GCDH: variants seen among roughly 807,000 people sequenced by gnomAD.
GCDH encodes glutaryl-CoA dehydrogenase, mitochondrial.
A neutral mutation model predicts 52.8 loss-of-function variants in GCDH; 31 were observed. The observed-to-expected ratio is 0.59, with a 90% confidence interval of 0.44 to 0.79. The LOEUF is 0.79. Among genes scored for constraint, GCDH ranks in the 30% least tolerant of loss-of-function variants. The pLI, the probability that GCDH is intolerant of heterozygous loss-of-function variation, is 0.00. For missense variants in GCDH, 509 were observed against 595.0 expected, an observed-to-expected ratio of 0.86 and a Z score of 1.50; for synonymous variants, 242 against 250.0, an observed-to-expected ratio of 0.97 and a Z score of 0.30.
chr19:12,899,787 T>C lies in GCDH; in HGVS notation c.*246T>C. On this transcript the variant is annotated 3_prime_UTR_variant, in exon 12 of 12. Transcript: ENST00000222214. Reference sequence around the variant, plus strand: ...TAACCATGGATGAGAGCAGACTCCATTTACCCTGAAATAGCAGCTTCTCTT... The same window carrying C: ...TAACCATGGATGAGAGCAGACTCCACTTACCCTGAAATAGCAGCTTCTCTT... The C allele has an allele frequency of 6.3e-7, 1 of 1,596,872 alleles. No homozygotes were observed.
chr19:12,893,930 G>A (rs1970615541), intron 6 of GCDH: 1 of 591,662 alleles, frequency 1.7e-6, no homozygotes, highest in Non-Finnish European at 3.0e-6. Flanking sequence ...GCCATTTGCA[G>A]TGGCTCACAC....
intron 6 of GCDH, chr19:12,894,924 A>C (rs1324382731): frequency 2.3e-5 from 10 of 430,920 alleles, no homozygotes; most frequent in Admixed American, 1.3e-4. Flanking sequence ...AAAAAAAAAA[A>C]AAAACCCACA....
chr19:12,894,281 T>C (rs999901726), intron 6 of GCDH: 4 of 871,826 alleles, frequency 4.6e-6, no homozygotes, highest in African/African-American at 1.7e-5. Flanking sequence ...GGTTACGTGG[T>C]CGGAATCAGT....
At chr19:12,899,399 A>T in intron 11 of GCDH, 69 bp from the exon 12 acceptor site, 1 of 1,614,092 alleles carries the variant, frequency 6.2e-7, no homozygotes, top group South Asian at 1.1e-5. Flanking sequence ...GGGATACATG[A>T]AAATTGATTT....
Position 12,899,560 on chromosome 19 carries a change from C to G in GCDH, c.*19C>G. On this transcript the variant is annotated 3_prime_UTR_variant, in exon 12 of 12. Transcript: ENST00000222214. ...CAAGTGAGCCGCTCCATCAGGGGCC[C>G]GAAACTCTCAAGCCCCTTTCTGGAG... 6.2e-7 allele frequency: 1 copy of G among 1,613,924 alleles called. No homozygotes were observed. The highest frequency in any genetic ancestry group is 2.2e-5 in the East Asian group (1 of 44,874).
chr19:12,891,370 G>T lies in GCDH; in HGVS notation c.66G>T (p.Thr22=). The change falls in exon 2 of 12, where the codon ACG becomes ACT. Residue 22 remains threonine (T), a synonymous_variant. Transcript: ENST00000222214. ...GACCCGGCCTGCACGTCCTTCGCAC[G>T]TGGGTCTCGTCGGCGGCGCAGACCG... ...SRGPGLHVLR[T]WVSSAAQTEK... is the part of the protein sequence containing the mutation. The T allele has an allele frequency of 6.2e-7, 1 of 1,613,960 alleles. No individual in the cohort carries two copies. Among genetic ancestry groups the T allele is most frequent in the Non-Finnish European group, 8.5e-7 (1 of 1,180,014 alleles).
Position 12,896,877 on chromosome 19 carries a change from G to C in GCDH, c.853-33G>C. On this transcript the variant is annotated intron_variant, in intron 8 of 11. Transcript: ENST00000222214. The surrounding 1 kb of genome is among the most constrained non-coding windows in gnomAD (Gnocchi z 5.5). ...TGCATAGGCCCTCTTGGTGTCTCTT[G>C]GGTGGGCCTGAGGCGCCATCTCAAC... The C allele has an allele frequency of 6.7e-7, 1 of 1,491,144 alleles. No homozygotes were observed. Among genetic ancestry groups the C allele is most frequent in the Non-Finnish European group, 9.4e-7 (1 of 1,069,374 alleles). 92.4% of individuals were successfully genotyped at this position (1,491,144 alleles called of 1,614,324 possible). A position where few individuals can be genotyped will look rare whatever the true frequency, so the allele number is the denominator to read the frequency against.
chr19:12,896,918 C>G lies in GCDH; in HGVS notation c.861C>G (p.Phe287Leu), dbSNP rs200757991. 6.2e-7 allele frequency: 1 copy of G among 1,612,852 alleles called. No individual in the cohort carries two copies. Residue 287 changes from phenylalanine to leucine, a missense_variant, in exon 9 of 12, where the codon TTC (phenylalanine) becomes TTG (leucine). Phe to Leu is a conservative substitution (Grantham distance 22). Coordinates refer to ENST00000222214, the MANE Select transcript of GCDH (RefSeq NM_000159.4). This position sits in a 1 kb window ranked among gnomAD's most constrained non-coding sequence, Gnocchi z 5.5. ...CCATCTCAACCCTACAGGGTCCCTTCGGCTGCCTGAACAACGCCCGGTACG... is the reference window on the plus strand; with the variant it reads ...CCATCTCAACCCTACAGGGTCCCTTGGGCTGCCTGAACAACGCCCGGTACG... ...LPGASSLGGPFGCLNNARYGI... is the reference protein window; with the variant it reads ...LPGASSLGGPLGCLNNARYGI...
Position 12,899,913 on chromosome 19 carries a change from T to C in GCDH, c.*372T>C. On this transcript the variant is annotated 3_prime_UTR_variant, in exon 12 of 12. Transcript: ENST00000222214. ...CTCCCTCCCATCTGGGGGTAGTGCC[T>C]TATGCTGGGTGTTGGAGCAGAGTGA... The C allele has an allele frequency of 1.3e-6, 2 of 1,544,624 alleles. No individual in the cohort carries two copies. Among genetic ancestry groups the C allele is most frequent in the South Asian group, 1.1e-5 (1 of 89,354 alleles).
Position 12,891,330 on chromosome 19 carries a change from G to A in GCDH, c.26G>A (p.Arg9Gln). The change falls in exon 2 of 12, where the codon CGG becomes CAG. Residue 9 changes from arginine (R) to glutamine (Q), a missense_variant. Arg to Gln is a conservative substitution (Grantham distance 43). Coordinates refer to ENST00000222214, the MANE Select transcript of GCDH (RefSeq NM_000159.4). MALRGVSV[R>Q]LLSRGPGLHV... The stretch of plus-strand genomic sequence containing the variant: ...ATGGCCCTGAGAGGCGTCTCCGTGC[G>A]GCTGCTGAGCCGCGGACCCGGCCTG... 1.2e-6 allele frequency: 2 copies of A among 1,611,156 alleles called. No homozygotes were observed. Among genetic ancestry groups the A allele is most frequent in the South Asian group, 2.2e-5 (2 of 91,058 alleles).
intron 5 of GCDH, 76 bp from the exon 6 acceptor site, chr19:12,893,407 C>A: frequency 7.7e-7 from 1 of 1,306,612 alleles, no homozygotes; most frequent in Non-Finnish European, 1.1e-6. Flanking sequence ...TGTCCTTATT[C>A]AGCCCTGTCT....
chr19:12,897,668 C>A, intron 10 of GCDH, 35 bp from the exon 11 acceptor site: 1 of 1,612,598 alleles, frequency 6.2e-7, no homozygotes, highest in African/African-American at 1.3e-5. Context: ...ATGCCAGGAT[C>A]CCCAGTCCTT....
chr19:12,891,227 C>A, intron 1 of GCDH, 25 bp downstream of exon 1: 4 of 1,201,710 alleles, frequency 3.3e-6, no homozygotes, highest in Non-Finnish European at 4.8e-6. Context: ...GTAGCCCCAG[C>A]CGTGGGTGAG....
intron 6 of GCDH, chr19:12,894,296 G>A (rs1175177816): frequency 9.6e-6 from 8 of 832,714 alleles, no homozygotes; most frequent in Non-Finnish European, 1.7e-5. Flanking sequence ...ATCAGTGGTG[G>A]GAACAATAAA....
intron 10 of GCDH, 25 bp downstream of exon 10, chr19:12,897,453 G>C (rs1555751120): frequency 2.5e-6 from 4 of 1,611,414 alleles, no homozygotes; most frequent in Non-Finnish European, 3.4e-6. Context: ...GTGGGGGCGG[G>C]GGGATGGCAG....
At chr19:12,898,376 A>G (rs575759377) in intron 11 of GCDH, 3 of 169,082 alleles carry the variant, frequency 1.8e-5, no homozygotes, top group African/African-American at 7.2e-5. Flanking sequence ...AAAAAAAAAA[A>G]GTGCAAACCC....
intron 9 of GCDH, 47 bp from the exon 10 acceptor site, chr19:12,897,256 G>A: frequency 6.2e-7 from 1 of 1,611,942 alleles, no homozygotes. Context: ...GGGACGGGGT[G>A]GGAGAGTGGG....
intron 5 of GCDH, among the ~76,000 whole-genome samples, chr19:12,893,171 G>C (rs796901413): frequency 5.9e-5 from 9 of 152,234 alleles, no homozygotes; most frequent in African/African-American, 2.2e-4. Flanking sequence ...ATAAACGTGA[G>C]CCACCGTGCC....
chr19:12,898,044 G>A (rs2145955704), intron 11 of GCDH, 181 bp downstream of exon 11: 1 of 640,010 alleles, frequency 1.6e-6, no homozygotes. Context: ...CTGTGGAAGT[G>A]AAGTGCTTCA....
Sources: allele counts gnomAD v4.1 joint callset (sites outside exome capture counted in the v4.1 genomes callset), GRCh38; gene constraint gnomAD v4.1.1; non-coding constraint Gnocchi (gnomAD v3.1); transcripts MANE v1.5; gene names NCBI Gene and HGNC (gene_info 2026-07-23, HGNC 2026-07-21).